The following SIAH1 variants were observed in gnomAD, a reference collection of about 807,000 sequenced individuals.
The protein encoded by SIAH1 is E3 ubiquitin-protein ligase SIAH1.
A neutral mutation model predicts 20.0 loss-of-function variants in SIAH1; 2 were observed. The observed-to-expected ratio is 0.10, with a 90% CI of 0.04 to 0.31. The LOEUF (loss-of-function observed/expected upper bound fraction) is 0.31, where lower values mean the gene tolerates loss of function less well. SIAH1 is among the 10% of genes least tolerant of loss of function. The probability of loss-of-function intolerance (pLI) is 1.00; values close to 1 mark genes in which losing one functional copy is unlikely to be tolerated. For missense variants in SIAH1, 119 were observed against 355.3 expected, an observed-to-expected ratio of 0.33 and a Z score of 5.35; for synonymous variants, 118 against 125.3, an observed-to-expected ratio of 0.94 and a Z score of 0.39.
At chr16:48,379,933 T>C (rs1291744883) in intron 1 of SIAH1, among the ~76,000 whole-genome samples, 1 of 152,164 alleles carries the variant, frequency 6.6e-6, no homozygotes, top group African/African-American at 2.4e-5. Context: ...CTTAGAACTT[T>C]ACACTGAAAG....
At chr16:48,382,429 G>A (rs954939269) in intron 1 of SIAH1, among the ~76,000 whole-genome samples, 3 of 152,028 alleles carry the variant, frequency 2.0e-5, no homozygotes, top group Non-Finnish European at 4.4e-5. Context: ...ATTAGAATAC[G>A]CACAGTAGTA....
chr16:48,371,758 A>G (rs1222268587), intron 1 of SIAH1, among the ~76,000 whole-genome samples: 8 of 152,254 alleles, frequency 5.3e-5, no homozygotes, highest in Non-Finnish European at 1.0e-4. Context: ...CAGTGTCTAT[A>G]TAAAAACATT....
intron 1 of SIAH1, among the ~76,000 whole-genome samples, chr16:48,377,063 A>T (rs1374425639): frequency 6.6e-6 from 1 of 152,206 alleles, no homozygotes; most frequent in East Asian, 1.9e-4. Context: ...TGACACTAAT[A>T]AATAACTATA....
intron 1 of SIAH1, among the ~76,000 whole-genome samples, chr16:48,378,399 A>G (rs1475157901): frequency 6.6e-6 from 1 of 152,234 alleles, no homozygotes; most frequent in Non-Finnish European, 1.5e-5. Context: ...TACAAACTCT[A>G]CTGTTCCATT....
chr16:48,367,917 C>T (rs1197729093), intron 1 of SIAH1, among the ~76,000 whole-genome samples: 7 of 152,132 alleles, frequency 4.6e-5, no homozygotes, highest in Non-Finnish European at 1.5e-5. Flanking sequence ...ACGTCCCAAG[C>T]CCAGTTTGGT....
At chr16:48,379,624 A>C (rs1006228266) in intron 1 of SIAH1, among the ~76,000 whole-genome samples, 1 of 152,248 alleles carries the variant, frequency 6.6e-6, no homozygotes, top group African/African-American at 2.4e-5. Context: ...CTTGAGACAC[A>C]AGGATGACCA....
At chr16:48,370,125 A>C (rs1440839631) in intron 1 of SIAH1, among the ~76,000 whole-genome samples, 1 of 152,222 alleles carries the variant, frequency 6.6e-6, no homozygotes, top group Non-Finnish European at 1.5e-5. Flanking sequence ...TAACCTTCTG[A>C]TATGCTAAAG....
chr16:48,383,927 CTT>C (rs1050021000), intron 1 of SIAH1, among the ~76,000 whole-genome samples: 2 of 152,184 alleles, frequency 1.3e-5, no homozygotes, highest in African/African-American at 4.8e-5. Flanking sequence ...TTGTTGAGAA[CTT>C]AGTATGGGGC....
intron 1 of SIAH1, among the ~76,000 whole-genome samples, chr16:48,379,075 C>T (rs950388405): frequency 2.0e-5 from 3 of 152,166 alleles, no homozygotes; most frequent in Admixed American, 6.5e-5. Context: ...AGGCAATGTG[C>T]TTTTAGATGC....
chr16:48,384,642 T>A (rs1328432372), intron 1 of SIAH1, among the ~76,000 whole-genome samples: 1 of 149,068 alleles, frequency 6.7e-6, no homozygotes, highest in African/African-American at 2.5e-5. Context: ...CCCGGACGGC[T>A]CCAGCCGGGG....
At chr16:48,375,450 G>A (rs966762654) in intron 1 of SIAH1, among the ~76,000 whole-genome samples, 9 of 152,160 alleles carry the variant, frequency 5.9e-5, no homozygotes, top group Non-Finnish European at 1.2e-4. Flanking sequence ...GACCAGCCTG[G>A]CCAACATGGT....
In SIAH1 at chr16:48,369,931, C is replaced by T. The variant is rs183923658; in HGVS notation, c.-2-7501G>A. Among the ~76,000 whole-genome samples, 4 of 152,328 alleles carry T rather than the reference C, an allele frequency of 2.6e-5. No homozygotes were observed. In the South Asian group the frequency reaches 6.2e-4, roughly 24 times the overall value. On this transcript the variant is annotated intron_variant, in intron 1 of 1. Transcript: ENST00000394725. ...TCAAAGAAAGTTTCTGAAAGGATTA[C>T]GTAAGTGATTAACTCTCCATCTTAG...
Position 48,361,480 on chromosome 16 carries a change from C to T in SIAH1, c.*100G>A. The T allele has an allele frequency of 5.1e-6, 6 of 1,181,826 alleles. 1 individual carries two copies. The highest frequency in any genetic ancestry group is 5.0e-5 in the South Asian group (4 of 79,968). The allele number at this position is 1,181,826 out of a possible 1,614,324, so 73.2% of individuals were successfully genotyped here. On this transcript the variant is annotated 3_prime_UTR_variant, in exon 2 of 2. Coordinates refer to ENST00000394725, the MANE Select transcript of SIAH1 (RefSeq NM_003031.4). The stretch of plus-strand genomic sequence containing the variant: ...TTATTTACCTTCATGTGTCTAGCTT[C>T]CACCTACCGAAAGAGTTTTAGGTTG...
chr16:48,369,893 T>C (rs1329043950), intron 1 of SIAH1, among the ~76,000 whole-genome samples: 1 of 152,196 alleles, frequency 6.6e-6, no homozygotes, highest in East Asian at 1.9e-4. Flanking sequence ...TTTTGTGGTG[T>C]GATCACAATA....
At chr16:48,374,973 A>G (rs1003753808) in intron 1 of SIAH1, among the ~76,000 whole-genome samples, 2 of 152,240 alleles carry the variant, frequency 1.3e-5, no homozygotes, top group African/African-American at 4.8e-5. Flanking sequence ...ACTGAAATCT[A>G]GAAACAATAG....
chr16:48,379,174 C>T (rs1336491812), intron 1 of SIAH1, among the ~76,000 whole-genome samples: 1 of 152,018 alleles, frequency 6.6e-6, no homozygotes, highest in Non-Finnish European at 1.5e-5. Context: ...CCAGATCTGA[C>T]TCTTAAGGGC....
intron 1 of SIAH1, among the ~76,000 whole-genome samples, chr16:48,367,180 CCA>C (rs1315834657): frequency 1.3e-5 from 2 of 152,198 alleles, no homozygotes; most frequent in Admixed American, 1.3e-4. Context: ...GCCACTGTGC[CCA>C]GTCTATATTT....
At chr16:48,368,575 G>A (rs1960903616) in intron 1 of SIAH1, among the ~76,000 whole-genome samples, 1 of 152,074 alleles carries the variant, frequency 6.6e-6, no homozygotes, top group Admixed American at 6.5e-5. Context: ...GCGTGTGCCT[G>A]TAATCCCAGC....
rs200676428 is a variant in SIAH1, at chr16:48,369,208, TTGTA to T, written c.-2-6782_-2-6779del. ...AAGCAATAAAATGATTTCTTAAAAA[TTGTA>T]TGTTTTTCCTAAAACCTCCATTTTT... is the stretch of plus-strand genomic sequence containing the variant. On this transcript the variant is annotated intron_variant, in intron 1 of 1. Transcript: ENST00000394725. 5.8e-3 allele frequency among the ~76,000 whole-genome samples: 878 copies of T among 152,328 alleles called. 6 individuals are homozygous for T. Among genetic ancestry groups the T allele is most frequent in the African/African-American group, 0.02 (818 of 41,572 alleles).
Sources: gnomAD v4.1 joint callset for allele counts (sites outside exome capture counted in the v4.1 genomes callset) on GRCh38, gnomAD v4.1.1 for gene constraint, MANE v1.5 for transcripts, NCBI Gene and HGNC (gene_info 2026-07-23, HGNC 2026-07-21) for gene names.